The following HOXC5 variants were observed in gnomAD, a reference collection of about 807,000 sequenced individuals.
The protein encoded by HOXC5 is homeobox C5, also known as homeobox protein Hox-C5.
A neutral mutation model predicts 20.1 loss-of-function variants in HOXC5; 19 were observed. That is an observed-to-expected ratio of 0.94 (90% CI 0.66 to 1.38). HOXC5 has a LOEUF of 1.38. Ranked by LOEUF, HOXC5 falls within the 40% of genes most tolerant of loss-of-function variation. The pLI, the probability that HOXC5 is intolerant of heterozygous loss-of-function variation, is 0.00. For synonymous variants in HOXC5, 124 were observed against 117.0 expected (o/e 1.06, Z -0.39); for missense variants, 330 against 300.1 (o/e 1.10, Z -0.74).
At chr12:54,033,734 C>T (rs753103235) in intron 1 of HOXC5, among the ~76,000 whole-genome samples, 158 bp downstream of exon 1, 2 of 152,180 alleles carry the variant, frequency 1.3e-5, no homozygotes, top group Non-Finnish European at 2.9e-5. Context: ...GCTGTGTGCG[C>T]CCAAATTTAC....
upstream of HOXC5, among the ~76,000 whole-genome samples, chr12:54,032,049 A>C (rs1941005945): frequency 6.6e-6 from 1 of 152,158 alleles, no homozygotes; most frequent in Non-Finnish European, 1.5e-5. Flanking sequence ...CCATGTCCTC[A>C]ATTAACATCT....
upstream of HOXC5, chr12:54,028,996 G>GTTTT: frequency 7.0e-7 from 1 of 1,434,266 alleles, no homozygotes; most frequent in East Asian, 2.3e-5. Flanking sequence ...AGAAGAACGG[G>GTTTT]CGGAGAGAGT....
the HOXC5 span, among the ~76,000 whole-genome samples, chr12:54,023,265 T>A: frequency 6.6e-6 from 1 of 152,220 alleles, no homozygotes; most frequent in African/African-American, 2.4e-5. Flanking sequence ...GGGGTAGAGA[T>A]GTTTGGGACC....
chr12:54,017,994 C>CAGCTAGGCGGCCGGCGG, the HOXC5 span, among the ~76,000 whole-genome samples: 1 of 152,190 alleles, frequency 6.6e-6, no homozygotes, highest in African/African-American at 2.4e-5. Flanking sequence ...GAAGCCGGCG[C>CAGCTAGGCGGCCGGCGG]AGCTAGGCGG....
At chr12:54,027,785 C>T in the HOXC5 span, among the ~76,000 whole-genome samples, 2 of 152,166 alleles carry the variant, frequency 1.3e-5, no homozygotes, top group African/African-American at 2.4e-5. Context: ...GCCACTGTAC[C>T]CTGAAGTCTT....
upstream of HOXC5, among the ~76,000 whole-genome samples, chr12:54,032,551 G>T (rs1941024956): frequency 6.6e-6 from 1 of 152,238 alleles, no homozygotes; most frequent in Non-Finnish European, 1.5e-5. Context: ...CCTGGAGGTT[G>T]GGAGAACGGG....
In HOXC5 at chr12:54,034,520, G is replaced by A. The variant is rs1356345090; in HGVS notation, c.*28G>A. 1 of 1,581,604 alleles carries A rather than the reference G, an allele frequency of 6.3e-7. No individual in the cohort carries two copies. The highest frequency in any genetic ancestry group is 1.7e-5 in the Admixed American group (1 of 59,614). The stretch of plus-strand genomic sequence containing the variant: ...GCAGCGGGGGAGGCCCGCAGAGCGC[G>A]CCCCTAGCCGGTTCCTGTCCCTGCG... On this transcript the variant is annotated 3_prime_UTR_variant, in exon 2 of 2. Transcript: ENST00000312492.
chr12:54,026,791 C>A, the HOXC5 span, among the ~76,000 whole-genome samples: 1 of 152,170 alleles, frequency 6.6e-6, no homozygotes, highest in Non-Finnish European at 1.5e-5. Flanking sequence ...GAAACCTTAA[C>A]GTTACAGAAG....
At chr12:54,020,561 A>G in the HOXC5 span, 3 of 152,340 alleles carry the variant, frequency 2.0e-5, no homozygotes, top group South Asian at 6.2e-4. Context: ...ACAGGCTTAA[A>G]TATACAGACT....
At chr12:54,031,052 G>A (rs935112689), upstream of HOXC5, among the ~76,000 whole-genome samples, 1 of 152,256 alleles carries the variant, frequency 6.6e-6, no homozygotes, top group Non-Finnish European at 1.5e-5. Flanking sequence ...ACACCCTGCG[G>A]GAAAAAGCCG....
At chr12:54,024,083 C>G in the HOXC5 span, among the ~76,000 whole-genome samples, 1 of 152,236 alleles carries the variant, frequency 6.6e-6, no homozygotes, top group Non-Finnish European at 1.5e-5. Context: ...CGCTCCAGAA[C>G]AGCAAAGCCT....
At chr12:54,022,795 G>A in the HOXC5 span, among the ~76,000 whole-genome samples, 1 of 152,162 alleles carries the variant, frequency 6.6e-6, no homozygotes, top group East Asian at 1.9e-4. Context: ...TCACTGTGAT[G>A]TCATAATACC....
the HOXC5 span, among the ~76,000 whole-genome samples, chr12:54,023,292 C>T: frequency 6.6e-6 from 1 of 152,180 alleles, no homozygotes; most frequent in Non-Finnish European, 1.5e-5. Flanking sequence ...ACGTTTTAAC[C>T]TTAAGTCAGA....
upstream of HOXC5, chr12:54,028,356 C>A: frequency 1.5e-6 from 1 of 659,930 alleles, no homozygotes; most frequent in Non-Finnish European, 2.5e-6. Context: ...TTTTTTTCCC[C>A]CTTCCTGACA....
At position 54,033,129 on chromosome 12, in the gene HOXC5, T is replaced by G. The variant is rs550186472; in HGVS notation, c.7T>G (p.Ser3Ala). The G allele has an allele frequency of 1.7e-5, 27 of 1,602,738 alleles. 1 individual carries two copies. In the South Asian group the frequency reaches 2.1e-4, roughly 12 times the overall value. MS[S>A]YVANSFYKQS... Reference sequence around the variant, plus strand: ...TTTTTGGGCCCTCCCCGCCATGAGCTCCTACGTAGCCAATTCATTCTATAA... The same window carrying G: ...TTTTTGGGCCCTCCCCGCCATGAGCGCCTACGTAGCCAATTCATTCTATAA... Residue 3 changes from serine to alanine, a missense_variant, in exon 1 of 2, where the codon TCC becomes GCC. Physicochemically the swap from Ser to Ala is moderately conservative, Grantham distance 99. Coordinates refer to ENST00000312492, the MANE Select transcript of HOXC5 (RefSeq NM_018953.4).
At chr12:54,020,326 C>A in the HOXC5 span, 9 of 152,268 alleles carry the variant, frequency 5.9e-5, no homozygotes, top group African/African-American at 2.2e-4. Context: ...CTTTGGGCAC[C>A]CTTAGGCTTG....
intron 1 of HOXC5, chr12:54,033,867 C>A: frequency 2.5e-6 from 1 of 407,004 alleles, no homozygotes. Flanking sequence ...GGCTCCAGAG[C>A]GGGGATCCCC....
chr12:54,034,414 A>C lies in HOXC5; in HGVS notation c.591A>C (p.Arg197Ser). The C allele has an allele frequency of 6.2e-7, 1 of 1,614,264 alleles. No individual in the cohort carries two copies. Among genetic ancestry groups the C allele is most frequent in the Non-Finnish European group, 8.5e-7 (1 of 1,180,026 alleles). Residue 197 changes from arginine to serine, a missense_variant, in exon 2 of 2, where the codon AGA becomes AGC. By Grantham distance (110) the Arg-to-Ser change is moderately radical. Transcript: ENST00000312492. The stretch of plus-strand genomic sequence containing the variant: ...CCAACAACTTGTGTCTCAATGAGAG[A>C]CAGATCAAGATCTGGTTCCAGAACC... ...EIANNLCLNERQIKIWFQNRR... is the reference protein window; with the variant it reads ...EIANNLCLNESQIKIWFQNRR...
the HOXC5 span, among the ~76,000 whole-genome samples, chr12:54,027,363 AG>A: frequency 6.6e-6 from 1 of 152,144 alleles, no homozygotes; most frequent in African/African-American, 2.4e-5. Flanking sequence ...TGGAGGGGGC[AG>A]GGGGGCTTCT....
Sources: gnomAD v4.1 joint callset for allele counts (sites outside exome capture counted in the v4.1 genomes callset) on GRCh38, gnomAD v4.1.1 for gene constraint, MANE v1.5 for transcripts, NCBI Gene and HGNC (gene_info 2026-07-23, HGNC 2026-07-21) for gene names.